The following TECTB variants were observed in gnomAD, a reference collection of about 807,000 sequenced individuals.
TECTB encodes tectorin beta.
In TECTB, 45 loss-of-function variants were observed where a neutral mutation model predicts 43.3. That is an observed-to-expected ratio of 1.04 (90% confidence interval 0.82 to 1.33). The LOEUF is 1.33. Among genes scored for constraint, TECTB ranks in the 40% most tolerant of loss-of-function variants. The pLI, the probability that TECTB is intolerant of heterozygous loss-of-function variation, is 0.00. For missense variants in TECTB, 399 were observed against 404.7 expected (o/e 0.99, Z 0.12); for synonymous variants, 169 against 156.7 (o/e 1.08, Z -0.59).
At chr10:112,289,349 C>T (rs1404729070) in intron 5 of TECTB, among the ~76,000 whole-genome samples, 1 of 152,052 alleles carries the variant, frequency 6.6e-6, no homozygotes, top group Non-Finnish European at 1.5e-5. Flanking sequence ...AAGCTTAAGA[C>T]GGAAAAAATG....
Position 112,286,332 on chromosome 10 carries a change from C to T in TECTB, c.424C>T (p.His142Tyr), listed in dbSNP as rs369410416. 3 of 1,612,192 alleles carry T rather than the reference C, an allele frequency of 1.9e-6. No homozygotes were observed. The highest frequency in any genetic ancestry group is 2.2e-5 in the East Asian group (1 of 44,806). ...AAFDQRVATV[H>Y]VKNGSMGTFE... ...TCCCCTTTTCAGAGTGGCCACTGTT[C>T]ACGTGAAGAACGGGAGCATGGGCAC... The change falls in exon 5 of 11, where the codon CAC becomes TAC. Residue 142 changes from histidine (H) to tyrosine (Y), a missense_variant. Physicochemically the swap from His to Tyr is moderately conservative, Grantham distance 83. Transcript: ENST00000646139.
At chr10:112,292,038 A>G (rs1848503568) in intron 5 of TECTB, among the ~76,000 whole-genome samples, 1 of 151,798 alleles carries the variant, frequency 6.6e-6, no homozygotes, top group African/African-American at 2.4e-5. Context: ...CGGGATGCTG[A>G]GGCAGAAGAA....
chr10:112,289,335 GA>G (rs1848479597), intron 5 of TECTB, among the ~76,000 whole-genome samples: 1 of 152,078 alleles, frequency 6.6e-6, no homozygotes, highest in Non-Finnish European at 1.5e-5. Context: ...AGATAGAAAT[GA>G]AAAAGCTTAA....
chr10:112,294,769 G>C (rs1848530852), intron 7 of TECTB, among the ~76,000 whole-genome samples: 1 of 152,162 alleles, frequency 6.6e-6, no homozygotes, highest in Non-Finnish European at 1.5e-5. Context: ...TGCTATTGTA[G>C]CCAAGTGAAT....
At chr10:112,295,601 C>T (rs1848538584) in intron 7 of TECTB, among the ~76,000 whole-genome samples, 1 of 152,242 alleles carries the variant, frequency 6.6e-6, no homozygotes, top group African/African-American at 2.4e-5. Context: ...GGGTGTTTAC[C>T]TCACATCTGC....
In TECTB at chr10:112,303,346, C is replaced by A. The variant is rs775161932; in HGVS notation, c.*34C>A. On this transcript the variant is annotated 3_prime_UTR_variant, in exon 11 of 11. Coordinates refer to ENST00000646139, the MANE Select transcript of TECTB (RefSeq NM_058222.3). ...CAGGCAGCTGCCGCTCCTCCACCCA[C>A]AATAGTCCTCAGCGAATGACAAACA... The A allele has an allele frequency of 6.2e-7, 1 of 1,612,428 alleles. No individual in the cohort carries two copies. Among genetic ancestry groups the A allele is most frequent in the South Asian group, 1.1e-5 (1 of 91,016 alleles).
chr10:112,294,527 C>T (rs976877128), intron 7 of TECTB, among the ~76,000 whole-genome samples: 3 of 152,134 alleles, frequency 2.0e-5, no homozygotes, highest in Admixed American at 2.0e-4. Flanking sequence ...GCAGATGGTA[C>T]TTGCTAGATA....
chr10:112,302,299 C>G, intron 10 of TECTB, 166 bp downstream of exon 10: 2 of 708,428 alleles, frequency 2.8e-6, no homozygotes, highest in Non-Finnish European at 4.6e-6. Flanking sequence ...AAGAGGTCTC[C>G]CTCTGACCAG....
chr10:112,293,794 C>T lies in TECTB; in HGVS notation c.540C>T (p.Ile180=), dbSNP rs753852094. 1.5e-5 allele frequency: 24 copies of T among 1,614,030 alleles called. No individual in the cohort carries two copies. Among genetic ancestry groups the T allele is most frequent in the Admixed American group, 3.3e-5 (2 of 59,990 alleles). Residue 180 remains isoleucine, a synonymous_variant, in exon 6 of 11, where the codon ATC becomes ATT. Transcript: ENST00000646139. The part of the protein sequence containing the change: ...EAPFVLEASE[I]GSDLFAGVEA... ...CCTTTGTCCTGGAGGCATCCGAAAT[C>T]GGTTCAGATCTGTTTGCAGGAGTGG... is the stretch of plus-strand genomic sequence containing the variant.
In TECTB at chr10:112,291,000, T is replaced by C. The variant is rs77807776; in HGVS notation, c.484-2738T>C. ...TCCACTTTATTTTATCTTTATTTGT[T>C]ATTTTTATTTTAAGTTCTGGGGTAC... On this transcript the variant is annotated intron_variant, in intron 5 of 10. Transcript: ENST00000646139. 9.9e-3 allele frequency among the ~76,000 whole-genome samples: 1,506 copies of C among 152,316 alleles called. 35 individuals carry two copies. Among genetic ancestry groups the C allele is most frequent in the African/African-American group, 0.035 (1,435 of 41,556 alleles).
At chr10:112,291,330 C>G (rs1848497232) in intron 5 of TECTB, among the ~76,000 whole-genome samples, 1 of 152,106 alleles carries the variant, frequency 6.6e-6, no homozygotes, top group South Asian at 2.1e-4. Flanking sequence ...ACCATTTGAC[C>G]CAGCAATCCC....
At chr10:112,299,113 A>G (rs1240777107) in intron 8 of TECTB, among the ~76,000 whole-genome samples, 1 of 152,222 alleles carries the variant, frequency 6.6e-6, no homozygotes, top group Non-Finnish European at 1.5e-5. Flanking sequence ...TTAAAAAGAA[A>G]GAAAAGAAAA....
chr10:112,301,365 C>T (rs950907458), intron 9 of TECTB, among the ~76,000 whole-genome samples: 3 of 149,306 alleles, frequency 2.0e-5, no homozygotes, highest in African/African-American at 7.4e-5. Flanking sequence ...AGAGATCACG[C>T]TACTACACTC....
intron 7 of TECTB, among the ~76,000 whole-genome samples, chr10:112,296,267 T>G (rs945089953): frequency 6.6e-6 from 1 of 152,136 alleles, no homozygotes; most frequent in Admixed American, 6.5e-5. Context: ...AGCATACTTA[T>G]CTCAAAGAGC....
chr10:112,298,759 C>T (rs895131999), intron 8 of TECTB, among the ~76,000 whole-genome samples: 13 of 152,182 alleles, frequency 8.5e-5, no homozygotes, highest in African/African-American at 2.9e-4. Context: ...AGAGGAAGGC[C>T]TGGGCAGGCT....
At position 112,297,193 on chromosome 10, in the gene TECTB, T is replaced by C. The variant is rs572589067; in HGVS notation, c.672-876T>C. Among the ~76,000 whole-genome samples the C allele has an allele frequency of 7.8e-4, 119 of 152,248 alleles. 1 individual carries two copies. The highest frequency in any genetic ancestry group is 1.1e-3 in the Non-Finnish European group (77 of 68,016). On this transcript the variant is annotated intron_variant, in intron 7 of 10. Coordinates refer to ENST00000646139, the MANE Select transcript of TECTB (RefSeq NM_058222.3). Reference sequence around the variant, plus strand: ...ACTGTGGGGGCTGTGCTGTGCACTGTAGGACGTTCAGCAGCAGCCCTGGTC... The same window carrying C: ...ACTGTGGGGGCTGTGCTGTGCACTGCAGGACGTTCAGCAGCAGCCCTGGTC...
chr10:112,299,822 G>A (rs1848582346), intron 9 of TECTB: 1 of 469,748 alleles, frequency 2.1e-6, no homozygotes. Flanking sequence ...ATCAGGAAGT[G>A]CTGAGCTTCC....
At chr10:112,300,255 AAAGAAAGAAAGAAAGAAAGAAAGAAAAG>A (rs1848591156) in intron 9 of TECTB, among the ~76,000 whole-genome samples, 1 of 35,024 alleles carries the variant, frequency 2.9e-5, no homozygotes, top group African/African-American at 1.7e-4. Context: ...AGAAAGAAAG[AAAGAAAGAAAGAAAGAAAGAAAGAAAAG>A]AAAGAAAGAA....
At position 112,286,081 on chromosome 10, in the gene TECTB, C is replaced by T. The variant is rs1848451644; in HGVS notation, c.278C>T (p.Pro93Leu). The change falls in exon 4 of 11, where the codon CCT becomes CTT. Residue 93 changes from proline (P) to leucine (L), a missense_variant. By Grantham distance (98) the Pro-to-Leu change is moderately conservative. Coordinates refer to ENST00000646139, the MANE Select transcript of TECTB (RefSeq NM_058222.3). ...CCTTTCTTTGTCCAGTACAAGCCACCTATCTATCACTTCTACAGTCACATC... is the reference window on the plus strand; with the variant it reads ...CCTTTCTTTGTCCAGTACAAGCCACTTATCTATCACTTCTACAGTCACATC... ...YCGTQSEYKP[P>L]IYHFYSHIVS... 1 of 1,614,016 alleles carries T rather than the reference C, an allele frequency of 6.2e-7. No homozygotes were observed. Among genetic ancestry groups the T allele is most frequent in the South Asian group, 1.1e-5 (1 of 91,090 alleles).
Sources: gnomAD v4.1 joint callset for allele counts (sites outside exome capture counted in the v4.1 genomes callset) on GRCh38, gnomAD v4.1.1 for gene constraint, MANE v1.5 for transcripts, NCBI Gene and HGNC (gene_info 2026-07-23, HGNC 2026-07-21) for gene names.